Variants in TMEM132B observed in about 807,000 individuals in gnomAD.
TMEM132B encodes the protein transmembrane protein 132B.
A neutral mutation model predicts 90.8 loss-of-function variants in TMEM132B; 18 were observed. That is an observed-to-expected ratio of 0.20 (90% CI 0.14 to 0.29). The LOEUF (loss-of-function observed/expected upper bound fraction) is 0.29. Ranked by LOEUF, TMEM132B falls within the 10% of genes least tolerant of loss-of-function variation. TMEM132B has a pLI of 1.00. For missense variants in TMEM132B, 1,096 were observed against 1,326.8 expected (o/e 0.83, Z 2.70); for synonymous variants, 504 against 523.3 (o/e 0.96, Z 0.50).
intron 4 of TMEM132B, among the ~76,000 whole-genome samples, chr12:125,571,113 T>G (rs1229761270): frequency 6.6e-6 from 1 of 152,156 alleles, no homozygotes; most frequent in Non-Finnish European, 1.5e-5. Flanking sequence ...GGAAAAGAAA[T>G]GCGATTGTTA....
rs11615229 is a variant in TMEM132B at position 125,407,708 on chromosome 12, A to G, written c.960-7823A>G. Among the ~76,000 whole-genome samples the G allele has an allele frequency of 0.19, 29,091 of 152,084 alleles. 3,247 individuals carry two copies. The highest frequency in any genetic ancestry group is 0.25 in the Non-Finnish European group (16,880 of 67,968). ...GCTCAGGTCACTCTTGTCGCTCAGA[A>G]CCAAAGGGACCGCGGACACCTGGTG... On this transcript the variant is annotated intron_variant, in intron 2 of 8. Coordinates refer to ENST00000682704, the MANE Select transcript of TMEM132B (RefSeq NM_001366854.1). The surrounding 1 kb of genome is among the most constrained non-coding windows in gnomAD (Gnocchi z 6.7).
chr12:125,294,574 G>T (rs1273454472), intron 1 of TMEM132B, among the ~76,000 whole-genome samples: 1 of 152,204 alleles, frequency 6.6e-6, no homozygotes, highest in Non-Finnish European at 1.5e-5. Flanking sequence ...TAAGTGCCAG[G>T]CACTGCAGTA....
At chr12:125,241,350 C>T (rs1210097762) in intron 1 of TMEM132B, among the ~76,000 whole-genome samples, 1 of 152,172 alleles carries the variant, frequency 6.6e-6, no homozygotes, top group Non-Finnish European at 1.5e-5. Context: ...GGCAAGATCA[C>T]AGGTCCTGCT....
At chr12:125,228,620 C>G (rs1873736925) in intron 1 of TMEM132B, among the ~76,000 whole-genome samples, 1 of 152,196 alleles carries the variant, frequency 6.6e-6, no homozygotes, top group Admixed American at 6.5e-5. Context: ...TTGTTAGGAT[C>G]AATTCTGTGG....
chr12:125,610,173 G>A (rs983707604), intron 5 of TMEM132B, among the ~76,000 whole-genome samples: 6 of 152,036 alleles, frequency 3.9e-5, no homozygotes, highest in African/African-American at 1.2e-4. Context: ...ATAGCATGTC[G>A]TATGTAATGA....
At chr12:125,511,354 G>A (rs931336851) in intron 3 of TMEM132B, among the ~76,000 whole-genome samples, 3 of 152,170 alleles carry the variant, frequency 2.0e-5, no homozygotes, top group African/African-American at 4.8e-5. Context: ...ATAAGGATAC[G>A]AAGGTGTTTC....
chr12:125,556,219 T>A (rs1229504892), intron 4 of TMEM132B, among the ~76,000 whole-genome samples: 1 of 152,240 alleles, frequency 6.6e-6, no homozygotes, highest in East Asian at 1.9e-4. Flanking sequence ...TTTTGTTGCA[T>A]TTCACAGGAT....
intron 1 of TMEM132B, among the ~76,000 whole-genome samples, chr12:125,191,052 T>G (rs1352508928): frequency 5.7e-5 from 2 of 34,858 alleles, no homozygotes; most frequent in Admixed American, 4.2e-4. Flanking sequence ...GTGGTGGTGG[T>G]GGTGGGGAAG....
At chr12:125,373,589 G>A (rs917369197) in intron 2 of TMEM132B, among the ~76,000 whole-genome samples, 2 of 152,006 alleles carry the variant, frequency 1.3e-5, no homozygotes, top group Non-Finnish European at 1.5e-5. Context: ...ACGGTACTTC[G>A]TATGGCAGCC....
At chr12:125,221,885 T>C (rs1482944943) in intron 1 of TMEM132B, among the ~76,000 whole-genome samples, 1 of 152,160 alleles carries the variant, frequency 6.6e-6, no homozygotes, top group Non-Finnish European at 1.5e-5. Flanking sequence ...TTTCCTGTAT[T>C]TGTGGGCTGG....
chr12:125,533,171 A>T (rs929296963), intron 4 of TMEM132B, among the ~76,000 whole-genome samples: 5 of 152,220 alleles, frequency 3.3e-5, no homozygotes, highest in Non-Finnish European at 7.3e-5. Context: ...AAAAAGTGTA[A>T]TATAATTCCT....
At chr12:125,565,146 G>C (rs547987209) in intron 4 of TMEM132B, among the ~76,000 whole-genome samples, 65 of 152,318 alleles carry the variant, frequency 4.3e-4, no homozygotes, top group African/African-American at 1.5e-3. Context: ...AAGTCAGAGG[G>C]AGCTTAAATG....
chr12:125,486,496 A>T (rs761724172), intron 3 of TMEM132B, among the ~76,000 whole-genome samples: 12 of 152,216 alleles, frequency 7.9e-5, no homozygotes, highest in Admixed American at 4.6e-4. Context: ...TTGGTCTTAC[A>T]CATTTCTGCT....
intron 3 of TMEM132B, among the ~76,000 whole-genome samples, chr12:125,518,908 C>G (rs1324830858): frequency 6.6e-6 from 1 of 152,216 alleles, no homozygotes; most frequent in African/African-American, 2.4e-5. Flanking sequence ...CTTTCTCACT[C>G]TCAGTCTCCT....
rs1003965780 is a variant in TMEM132B at position 125,624,956 on chromosome 12, A to G, written c.1438-19120A>G. On this transcript the variant is annotated intron_variant, in intron 5 of 8. Transcript: ENST00000682704. The stretch of plus-strand genomic sequence containing the variant: ...TGGTCATATACTCACTACCACAGTA[A>G]CCCGAAGAACAGTTCTGTCGCACCC... Among the ~76,000 whole-genome samples, 5 of 152,010 alleles carry G rather than the reference A, an allele frequency of 3.3e-5. No homozygotes were observed. In the East Asian group the frequency reaches 9.6e-4, roughly 29 times the overall value.
At chr12:125,428,380 A>G (rs1299293523) in intron 3 of TMEM132B, among the ~76,000 whole-genome samples, 2 of 152,006 alleles carry the variant, frequency 1.3e-5, no homozygotes, top group Non-Finnish European at 2.9e-5. Context: ...TTATGTCATT[A>G]TTTTTTATGC....
In TMEM132B at chr12:125,186,641, GC is replaced by G. The variant is rs1957761945; in HGVS notation, c.-157del. On this transcript the variant is annotated 5_prime_UTR_variant, in exon 1 of 9. The change creates a premature stop within an existing upstream ORF in the 5' untranslated region. Transcript: ENST00000682704. The surrounding 1 kb of genome is among the most constrained non-coding windows in gnomAD (Gnocchi z 6.3). ...GCAGAGGCGCAGCCGAGGAAGCGCCGCCAGCGCCGGCGCATGCGTCTGGGGA... is the reference window on the plus strand; with the variant it reads ...GCAGAGGCGCAGCCGAGGAAGCGCCGCAGCGCCGGCGCATGCGTCTGGGGA... Among the ~76,000 whole-genome samples, 2 of 146,680 alleles carry G rather than the reference GC, an allele frequency of 1.4e-5. No homozygotes were observed. Among genetic ancestry groups the G allele is most frequent in the South Asian group, 4.1e-4 (2 of 4,822 alleles).
intron 3 of TMEM132B, among the ~76,000 whole-genome samples, chr12:125,437,711 G>A (rs1376410914): frequency 6.6e-6 from 1 of 152,202 alleles, no homozygotes; most frequent in Non-Finnish European, 1.5e-5. Flanking sequence ...AGTGAAAGAA[G>A]CCAGACATCA....
intron 4 of TMEM132B, among the ~76,000 whole-genome samples, chr12:125,541,477 G>A (rs1883955610): frequency 6.6e-6 from 1 of 152,136 alleles, no homozygotes; most frequent in Admixed American, 6.5e-5. Flanking sequence ...GTGACTGCAT[G>A]GGCCTTGAAA....
Sources: allele counts gnomAD v4.1 joint callset (sites outside exome capture counted in the v4.1 genomes callset), GRCh38; gene constraint gnomAD v4.1.1; non-coding constraint Gnocchi (gnomAD v3.1); transcripts MANE v1.5; gene names NCBI Gene and HGNC (gene_info 2026-07-23, HGNC 2026-07-21).